Variants in EEF1E1 observed in about 807,000 individuals in gnomAD.
EEF1E1 encodes eukaryotic translation elongation factor 1 epsilon-1.
In EEF1E1, 19 loss-of-function variants were observed where a neutral mutation model predicts 19.9. That is an observed-to-expected ratio of 0.95 (90% CI 0.66 to 1.40). The LOEUF (loss-of-function observed/expected upper bound fraction) is 1.40, where lower values mean the gene tolerates loss of function less well. Among genes scored for constraint, EEF1E1 ranks in the 40% most tolerant of loss-of-function variants. The pLI is 0.00. For synonymous variants in EEF1E1, 81 were observed against 80.0 expected, an observed-to-expected ratio of 1.01 and a Z score of -0.07; for missense variants, 198 against 202.2, an observed-to-expected ratio of 0.98 and a Z score of 0.13.
At chr6:8,074,529 T>C (rs1165346032), downstream of EEF1E1, among the ~76,000 whole-genome samples, 1 of 152,188 alleles carries the variant, frequency 6.6e-6, no homozygotes, top group East Asian at 1.9e-4. Context: ...AGTACAATGA[T>C]GCCAGTGCCA....
intron 3 of EEF1E1, among the ~76,000 whole-genome samples, chr6:8,081,757 C>A (rs1420265970): frequency 6.6e-6 from 1 of 152,116 alleles, no homozygotes; most frequent in Non-Finnish European, 1.5e-5. Context: ...GAATAAAATT[C>A]AAAATCAACT....
chr6:8,082,180 T>C (rs886080206), intron 3 of EEF1E1, among the ~76,000 whole-genome samples: 1 of 152,232 alleles, frequency 6.6e-6, no homozygotes, highest in Non-Finnish European at 1.5e-5. Flanking sequence ...TTGGAGTCTC[T>C]AGAGTCAGGA....
At chr6:8,088,271 T>C (rs1757919954) in intron 3 of EEF1E1, among the ~76,000 whole-genome samples, 1 of 151,794 alleles carries the variant, frequency 6.6e-6, no homozygotes, top group African/African-American at 2.4e-5. Flanking sequence ...AAAAAGGAAA[T>C]ACAATCTGGA....
chr6:8,084,394 A>T (rs1385835315), intron 3 of EEF1E1, among the ~76,000 whole-genome samples: 1 of 152,224 alleles, frequency 6.6e-6, no homozygotes, highest in African/African-American at 2.4e-5. Flanking sequence ...TTCTGCTGGC[A>T]AAGGAATTCC....
At chr6:8,095,346 C>CA (rs1361916829) in intron 2 of EEF1E1, 11 of 422,482 alleles carry the variant, frequency 2.6e-5, no homozygotes, top group East Asian at 9.1e-5. Context: ...ACTAAAAACA[C>CA]AAAAAAACGA....
At chr6:8,101,802 C>G in intron 1 of EEF1E1, 1 of 1,289,404 alleles carries the variant, frequency 7.8e-7, no homozygotes, top group Non-Finnish European at 1.0e-6. Context: ...GGTCGTAACA[C>G]TTAAACTGAT....
At chr6:8,086,116 T>C (rs1581461983) in intron 3 of EEF1E1, among the ~76,000 whole-genome samples, 1 of 152,104 alleles carries the variant, frequency 6.6e-6, no homozygotes, top group Admixed American at 6.6e-5. Context: ...TGAGGGATCT[T>C]TGAGGAACAA....
intron 1 of EEF1E1, among the ~76,000 whole-genome samples, chr6:8,097,822 T>C (rs1023000477): frequency 3.5e-4 from 54 of 152,186 alleles, no homozygotes; most frequent in Non-Finnish European, 4.9e-4. Flanking sequence ...CCCTATTATA[T>C]AGCAAAGTGA....
downstream of EEF1E1, among the ~76,000 whole-genome samples, chr6:8,075,719 A>G (rs1238962353): frequency 6.6e-6 from 1 of 152,182 alleles, no homozygotes; most frequent in Non-Finnish European, 1.5e-5. Context: ...TAAGACAACA[A>G]TAAAGTTTGC....
intron 1 of EEF1E1, among the ~76,000 whole-genome samples, chr6:8,101,243 A>AAAAAAAAAATAT (rs1271033598): frequency 1.9e-4 from 11 of 58,470 alleles, no homozygotes; most frequent in African/African-American, 4.7e-4. Context: ...AAAAAAAAAA[A>AAAAAAAAAATAT]ATATATATAT....
rs1306626829 is a variant in EEF1E1, at chr6:8,097,413, C to G, written c.142G>C (p.Ala48Pro). ...GPSLTGLTTI[A>P]AHLVKQANKE... Reference sequence around the variant, plus strand: ...TTGGCTTGCTTGACTAGATGAGCTGCTATAGTAGTCAATCCTGTTAGACTT... The same window carrying G: ...TTGGCTTGCTTGACTAGATGAGCTGGTATAGTAGTCAATCCTGTTAGACTT... Residue 48 changes from alanine (A) to proline (P), a missense_variant, in exon 2 of 4, where the codon GCA becomes CCA. By Grantham distance (27) the Ala-to-Pro change is conservative. Coordinates refer to ENST00000379715, the MANE Select transcript of EEF1E1 (RefSeq NM_004280.5). 6.2e-7 allele frequency: 1 copy of G among 1,614,086 alleles called. No individual in the cohort carries two copies. The highest frequency in any genetic ancestry group is 8.5e-7 in the Non-Finnish European group (1 of 1,180,016).
rs768224090 is a variant in EEF1E1, at chr6:8,099,791, C to CACA, written c.88-2325_88-2324insTGT. Reference sequence around the variant, plus strand: ...ACACACACACACACACACACACACACAAAAAAAAAACAGAACCCTCTATAA... The same window carrying CACA: ...ACACACACACACACACACACACACACACAAAAAAAAAAACAGAACCCTCTATAA... On this transcript the variant is annotated intron_variant, in intron 1 of 3. Transcript: ENST00000379715. Among the ~76,000 whole-genome samples, 26 of 114,682 alleles carry CACA rather than the reference C, an allele frequency of 2.3e-4. No homozygotes were observed. In the East Asian group the frequency reaches 3.7e-3, roughly 16 times the overall value. 75.2% of individuals were successfully genotyped at this position (114,682 alleles called of 152,430 possible). A position where few individuals can be genotyped will look rare whatever the true frequency, so the allele number is the denominator to read the frequency against.
intron 2 of EEF1E1, among the ~76,000 whole-genome samples, chr6:8,096,181 T>C (rs1758169238): frequency 6.6e-6 from 1 of 152,244 alleles, no homozygotes; most frequent in Admixed American, 6.5e-5. Flanking sequence ...ACCCAATTCA[T>C]TGAAATTCTG....
chr6:8,093,343 T>A (rs1029629919), intron 2 of EEF1E1, among the ~76,000 whole-genome samples: 1 of 136,278 alleles, frequency 7.3e-6, no homozygotes, highest in Non-Finnish European at 1.6e-5. Flanking sequence ...TTTTTTTTTT[T>A]ACAATTCTTT....
chr6:8,090,604 T>C (rs1330572042), intron 2 of EEF1E1, among the ~76,000 whole-genome samples: 1 of 152,068 alleles, frequency 6.6e-6, no homozygotes, highest in South Asian at 2.1e-4. Context: ...TTAGTTACAC[T>C]TATTTTTTCC....
At chr6:8,078,890 T>A (rs1005070477), downstream of EEF1E1, 1 of 1,039,648 alleles carries the variant, frequency 9.6e-7, no homozygotes, top group Non-Finnish European at 1.2e-6. Context: ...TGTTTAAAGT[T>A]CTGCTAGAAC....
At chr6:8,073,854 T>C (rs1757534096) in intron 3 of EEF1E1, among the ~76,000 whole-genome samples, 1 of 152,256 alleles carries the variant, frequency 6.6e-6, no homozygotes, top group Non-Finnish European at 1.5e-5. Flanking sequence ...ATTTAAGCAT[T>C]ACTCACTGTG....
rs894098190 is a variant in EEF1E1 at position 8,079,404 on chromosome 6, A to C, written c.*486T>G. 1 of 988,254 alleles carries C rather than the reference A, an allele frequency of 1.0e-6. No individual in the cohort carries two copies. Among genetic ancestry groups the C allele is most frequent in the Non-Finnish European group, 1.2e-6 (1 of 831,392 alleles). 61.2% of individuals were successfully genotyped at this position (988,254 alleles called of 1,614,324 possible). Reference sequence around the variant, plus strand: ...AGAAACAACGAAAAAATATTTTTTCAACCACATTTACTAGCTCACATAAAT... The same window carrying C: ...AGAAACAACGAAAAAATATTTTTTCCACCACATTTACTAGCTCACATAAAT... On this transcript the variant is annotated 3_prime_UTR_variant, in exon 4 of 4. Coordinates refer to ENST00000379715, the MANE Select transcript of EEF1E1 (RefSeq NM_004280.5).
chr6:8,089,785 G>A (rs1056292143), intron 3 of EEF1E1, among the ~76,000 whole-genome samples: 5 of 152,082 alleles, frequency 3.3e-5, no homozygotes, highest in African/African-American at 1.2e-4. Flanking sequence ...TCTAGAGGTG[G>A]AATGGTAGGA....
Sources: gnomAD v4.1 joint callset for allele counts (sites outside exome capture counted in the v4.1 genomes callset) on GRCh38, gnomAD v4.1.1 for gene constraint, MANE v1.5 for transcripts, NCBI Gene and HGNC (gene_info 2026-07-23, HGNC 2026-07-21) for gene names.